TBC1D5: variants seen among roughly 807,000 people sequenced by gnomAD.
The protein encoded by TBC1D5 is TBC1 domain family, member 5.
A neutral mutation model predicts 100.3 loss-of-function variants in TBC1D5; 75 were observed. The observed-to-expected ratio is 0.75, with a 90% CI of 0.62 to 0.91. TBC1D5 has a LOEUF of 0.91. Among genes scored for constraint, TBC1D5 ranks in the 40% least tolerant of loss-of-function variants. The pLI, the probability that TBC1D5 is intolerant of heterozygous loss-of-function variation, is 0.00. For synonymous variants in TBC1D5, 323 were observed against 325.6 expected (o/e 0.99, Z 0.09); for missense variants, 910 against 942.4 (o/e 0.97, Z 0.45).
In TBC1D5 at chr3:17,298,212, T is replaced by C. The variant is rs2150309678; in HGVS notation, c.1139-6211A>G. On this transcript the variant is annotated intron_variant, in intron 14 of 21. Coordinates refer to ENST00000253692, the Ensembl canonical transcript of TBC1D5. Reference sequence around the variant, plus strand: ...CAGAAATATACATTGTCAGTAAAAATGGCTGAAGTACACAAGGTATTTAAG... The same window carrying C: ...CAGAAATATACATTGTCAGTAAAAACGGCTGAAGTACACAAGGTATTTAAG... Among the ~76,000 whole-genome samples the C allele has an allele frequency of 1.3e-5, 2 of 152,362 alleles. 1 individual carries two copies. The highest frequency in any genetic ancestry group is 4.1e-4 in the South Asian group (2 of 4,830).
chr3:17,428,492 GTTC>G, exon 4 of TBC1D5: 2 of 1,509,430 alleles, frequency 1.3e-6, no homozygotes, highest in Non-Finnish European at 1.8e-6. Flanking sequence ...AGTAGAACTT[GTTC>G]TTCTTCCATT....
At chr3:17,602,201 T>C (rs973463075) in intron 2 of TBC1D5, among the ~76,000 whole-genome samples, 2 of 152,208 alleles carry the variant, frequency 1.3e-5, no homozygotes, top group Non-Finnish European at 2.9e-5. Context: ...ACAATGCCTT[T>C]AAGTATACCT....
intron 1 of TBC1D5, among the ~76,000 whole-genome samples, chr3:17,716,418 T>C (rs1299181711): frequency 6.7e-6 from 1 of 150,084 alleles, no homozygotes; most frequent in African/African-American, 2.4e-5. Flanking sequence ...GGATTTGGAG[T>C]CACTGCAGGC....
intron 13 of TBC1D5, among the ~76,000 whole-genome samples, chr3:17,316,755 T>C (rs2084750142): frequency 6.6e-6 from 1 of 152,186 alleles, no homozygotes; most frequent in Non-Finnish European, 1.5e-5. Context: ...AAAATGTCCA[T>C]GACTTGGCAA....
At chr3:17,678,486 A>G (rs570708143) in intron 1 of TBC1D5, among the ~76,000 whole-genome samples, 1 of 152,266 alleles carries the variant, frequency 6.6e-6, no homozygotes, top group East Asian at 1.9e-4. Flanking sequence ...AGAAGATCAC[A>G]AATTTTTGGA....
chr3:17,282,661 C>G (rs768205093), intron 15 of TBC1D5, among the ~76,000 whole-genome samples: 1 of 152,196 alleles, frequency 6.6e-6, no homozygotes, highest in African/African-American at 2.4e-5. Context: ...ATAAAAATCA[C>G]TAAACATCTC....
intron 13 of TBC1D5, among the ~76,000 whole-genome samples, chr3:17,360,900 T>C (rs564283084): frequency 1.4e-4 from 21 of 152,132 alleles, no homozygotes; most frequent in African/African-American, 4.6e-4. Context: ...ATTAGTCCCA[T>C]ATATTTACTA....
At chr3:17,238,305 T>C (rs764468516) in exon 17 of TBC1D5, 6 of 1,614,018 alleles carry the variant, frequency 3.7e-6, no homozygotes, top group Non-Finnish European at 5.1e-6. Flanking sequence ...TGCCTCCAGG[T>C]ACAGGGCCAC....
chr3:17,396,044 C>T (rs1392980528), intron 8 of TBC1D5, among the ~76,000 whole-genome samples: 1 of 152,030 alleles, frequency 6.6e-6, no homozygotes, highest in Non-Finnish European at 1.5e-5. Flanking sequence ...CTGTTTTCCC[C>T]CCTCTTTAAT....
chr3:17,639,568 G>A (rs17043839), intron 1 of TBC1D5, among the ~76,000 whole-genome samples: 3,435 of 151,926 alleles, frequency 0.023, 108 homozygotes, highest in African/African-American at 0.077. Flanking sequence ...AACTTTTTGC[G>A]TGTAAATTTA....
At chr3:17,233,635 A>G in intron 17 of TBC1D5, 50 bp downstream of exon 18, 1 of 1,126,060 alleles carries the variant, frequency 8.9e-7, no homozygotes, top group Admixed American at 2.8e-5. Context: ...AGGCAATGAT[A>G]ATACTGTAGG....
At position 17,428,943 on chromosome 3, in the gene TBC1D5, G is replaced by A. The variant is rs556829586; in HGVS notation, c.98-424C>T. ...ATGATTTTCCAGGTCCTAGTTTGAT[G>A]CTCTCTAGGAATTTAGTAAACAGAG... On this transcript the variant is annotated intron_variant, in intron 3 of 21. Transcript: ENST00000253692. 2.0e-5 allele frequency among the ~76,000 whole-genome samples: 3 copies of A among 152,068 alleles called. No homozygotes were observed. In the East Asian group the frequency reaches 5.8e-4, roughly 29 times the overall value.
intron 3 of TBC1D5, among the ~76,000 whole-genome samples, chr3:17,450,497 C>T (rs578205787): frequency 6.6e-6 from 1 of 152,080 alleles, no homozygotes; most frequent in Non-Finnish European, 1.5e-5. Context: ...TAAAAGGTCA[C>T]AGGAACTGCT....
chr3:17,315,851 C>T (rs1035627997), intron 13 of TBC1D5, among the ~76,000 whole-genome samples: 2 of 151,848 alleles, frequency 1.3e-5, no homozygotes, highest in South Asian at 2.1e-4. Flanking sequence ...GTGTGGGGGA[C>T]GGGCGGGGGG....
intron 3 of TBC1D5, among the ~76,000 whole-genome samples, chr3:17,471,099 A>G (rs1453791483): frequency 6.6e-6 from 1 of 152,218 alleles, no homozygotes; most frequent in Non-Finnish European, 1.5e-5. Flanking sequence ...ACATTAGAAC[A>G]TGAAGCCTAA....
At chr3:17,493,889 G>A (rs1024446611) in intron 3 of TBC1D5, among the ~76,000 whole-genome samples, 11 of 152,232 alleles carry the variant, frequency 7.2e-5, no homozygotes, top group South Asian at 2.1e-4. Context: ...TTGGCTCAGC[G>A]AAGTTCACTG....
At chr3:17,461,802 C>T (rs964370922) in intron 3 of TBC1D5, among the ~76,000 whole-genome samples, 9 of 152,314 alleles carry the variant, frequency 5.9e-5, no homozygotes, top group Admixed American at 2.6e-4. Flanking sequence ...GATGTTGGCT[C>T]TCACTGCACC....
chr3:17,559,927 A>C (rs1047730614), intron 2 of TBC1D5, among the ~76,000 whole-genome samples: 2 of 152,138 alleles, frequency 1.3e-5, no homozygotes, highest in Non-Finnish European at 2.9e-5. Flanking sequence ...AGTCCTTATT[A>C]GATAATCAAA....
intron 1 of TBC1D5, among the ~76,000 whole-genome samples, chr3:17,731,934 T>A (rs2076592837): frequency 6.6e-6 from 1 of 152,198 alleles, no homozygotes; most frequent in Non-Finnish European, 1.5e-5. Context: ...GAGTTTCCTG[T>A]GAGCCATTAA....
Sources: allele counts gnomAD v4.1 joint callset (sites outside exome capture counted in the v4.1 genomes callset), GRCh38; gene constraint gnomAD v4.1.1; transcripts MANE v1.5; gene names NCBI Gene and HGNC (gene_info 2026-07-23, HGNC 2026-07-21).